The following UBASH3A variants were observed in gnomAD, a reference collection of about 807,000 sequenced individuals.
UBASH3A encodes ubiquitin associated and SH3 domain containing A.
A neutral mutation model predicts 73.5 loss-of-function variants in UBASH3A; 63 were observed. The observed-to-expected ratio is 0.86, with a 90% CI of 0.70 to 1.06. The LOEUF (loss-of-function observed/expected upper bound fraction) is 1.06. Among genes scored for constraint, UBASH3A ranks in the 50% least tolerant of loss-of-function variants. UBASH3A has a pLI of 0.00. For missense variants in UBASH3A, 860 were observed against 859.0 expected (o/e 1.00, Z -0.02); for synonymous variants, 363 against 351.1 (o/e 1.03, Z -0.38).
At chr21:42,408,848 A>G (rs2053029233) in intron 2 of UBASH3A, among the ~76,000 whole-genome samples, 1 of 151,176 alleles carries the variant, frequency 6.6e-6, no homozygotes. Context: ...GTGCCACTGC[A>G]CTCCAGCCTG....
chr21:42,427,696 T>C (rs2053462006), intron 8 of UBASH3A, among the ~76,000 whole-genome samples: 1 of 152,160 alleles, frequency 6.6e-6, no homozygotes, highest in African/African-American at 2.4e-5. Flanking sequence ...GGCCATCCAG[T>C]GCCCACCACG....
chr21:42,437,397 A>T (rs1601597848), intron 10 of UBASH3A, 91 bp from the exon 11 acceptor site: 10 of 1,201,048 alleles, frequency 8.3e-6, no homozygotes, highest in Non-Finnish European at 9.8e-6. Flanking sequence ...CCCTTTGAGG[A>T]CCCTGCCTAC....
At chr21:42,443,453 C>A in intron 13 of UBASH3A, 35 bp downstream of exon 13, 1 of 1,535,938 alleles carries the variant, frequency 6.5e-7, no homozygotes, top group Non-Finnish European at 8.8e-7. Context: ...TGAACAGCCC[C>A]TGGGGCTTGG....
intron 7 of UBASH3A, among the ~76,000 whole-genome samples, chr21:42,421,437 A>G (rs913527354): frequency 2.0e-5 from 3 of 152,112 alleles, no homozygotes; most frequent in African/African-American, 7.2e-5. Context: ...ACCATTTTAT[A>G]TTTCACTCAT....
Position 42,443,332 on chromosome 21 carries a change from C to A in UBASH3A, c.1652C>A (p.Ala551Asp), listed in dbSNP as rs1322438647. Residue 551 changes from alanine to aspartate, a missense_variant, in exon 13 of 15, where the codon GCC (alanine) becomes GAC (aspartate). Coordinates refer to ENST00000319294, the MANE Select transcript of UBASH3A (RefSeq NM_018961.4). ...TDYRPAFPLS[A>D]LMPAESYQEY... ...TCCAGGCCCGCGTTTCCCCTGTCCG[C>A]CCTCATGCCGGCCGAGAGCTACCAG... 3.7e-6 allele frequency: 6 copies of A among 1,613,464 alleles called. No individual in the cohort carries two copies. The highest frequency in any genetic ancestry group is 5.1e-6 in the Non-Finnish European group (6 of 1,179,686).
chr21:42,406,488 G>T, intron 2 of UBASH3A, 127 bp downstream of exon 2: 1 of 741,972 alleles, frequency 1.3e-6, no homozygotes, highest in South Asian at 1.6e-5. Flanking sequence ...GGCCACTGCG[G>T]AAGTGAAACA....
In UBASH3A at chr21:42,413,907, T is replaced by C. The variant is rs112433624; in HGVS notation, c.667+384T>C. 6.6e-3 allele frequency among the ~76,000 whole-genome samples: 1,012 copies of C among 152,306 alleles called. 6 individuals carry two copies. The highest frequency in any genetic ancestry group is 0.022 in the African/African-American group (899 of 41,568). The stretch of plus-strand genomic sequence containing the variant: ...CCTGGCCTGGAGACCAAGGCTACCA[T>C]TGGGGTTTAGTGGAAAGGATTGTGG... On this transcript the variant is annotated intron_variant, in intron 5 of 14. Transcript: ENST00000319294. This position sits in a 1 kb window ranked among gnomAD's most constrained non-coding sequence, Gnocchi z 4.5.
intron 1 of UBASH3A, among the ~76,000 whole-genome samples, 160 bp from the exon 2 acceptor site, chr21:42,406,148 C>T (rs999175290): frequency 2.0e-5 from 3 of 152,086 alleles, no homozygotes; most frequent in African/African-American, 7.2e-5. Context: ...TGGCAGCACT[C>T]AGGGGACAGG....
rs753142672 is a variant in UBASH3A at position 42,421,847 on chromosome 21, A to AC, written c.1046+3243dup. Among the ~76,000 whole-genome samples, 3 of 152,252 alleles carry AC rather than the reference A, an allele frequency of 2.0e-5. 1 individual carries two copies. The highest frequency in any genetic ancestry group is 1.9e-4 in the East Asian group (1 of 5,190). On this transcript the variant is annotated intron_variant, in intron 7 of 14. Coordinates refer to ENST00000319294, the MANE Select transcript of UBASH3A (RefSeq NM_018961.4). ...TTGCATATTGGTCATTTTTATCCAA[A>AC]CCCCCAAAAAAGAAAAGAAAAGATG...
At chr21:42,410,017 C>T in intron 3 of UBASH3A, 1 of 699,158 alleles carries the variant, frequency 1.4e-6, no homozygotes, top group Non-Finnish European at 2.6e-6. Context: ...CTAGCACAGC[C>T]CCTAAAACAG....
At chr21:42,409,697 A>C in intron 3 of UBASH3A, 89 bp downstream of exon 3, 1 of 1,217,502 alleles carries the variant, frequency 8.2e-7, no homozygotes, top group Non-Finnish European at 1.2e-6. Flanking sequence ...AAGTTGACTT[A>C]TTTAAATGGG....
chr21:42,414,627 G>A (rs897392568), intron 5 of UBASH3A, among the ~76,000 whole-genome samples: 6 of 152,140 alleles, frequency 3.9e-5, no homozygotes, highest in East Asian at 1.9e-4. Context: ...GGTAGAGGCC[G>A]CACAGAGACA....
chr21:42,422,552 C>G (rs1406735332), intron 7 of UBASH3A, among the ~76,000 whole-genome samples: 3 of 152,298 alleles, frequency 2.0e-5, no homozygotes, highest in Admixed American at 2.0e-4. Flanking sequence ...ATACCTAATC[C>G]CACGCTTGGG....
At chr21:42,441,921 A>G (rs983437008) in intron 11 of UBASH3A, among the ~76,000 whole-genome samples, 2 of 152,238 alleles carry the variant, frequency 1.3e-5, no homozygotes, top group Non-Finnish European at 2.9e-5. Context: ...TAATCAAAAT[A>G]TAAAATGCCT....
chr21:42,415,926 G>C (rs1163152530), intron 5 of UBASH3A, among the ~76,000 whole-genome samples: 2 of 152,200 alleles, frequency 1.3e-5, no homozygotes. Context: ...GGACCAGGGA[G>C]GGCTAGGGCC....
chr21:42,437,734 G>A lies in UBASH3A; in HGVS notation c.1486+154G>A, dbSNP rs914013300. ...AAGTACGAGCCAGCCCTCCAAGGATGCTGGCAGGCATGCTGGGTCCGTGAG... is the reference window on the plus strand; with the variant it reads ...AAGTACGAGCCAGCCCTCCAAGGATACTGGCAGGCATGCTGGGTCCGTGAG... On this transcript the variant is annotated intron_variant, in intron 11 of 14. Transcript: ENST00000319294. 22 of 686,528 alleles carry A rather than the reference G, an allele frequency of 3.2e-5. No individual in the cohort carries two copies. In the East Asian group the frequency reaches 5.4e-4, roughly 17 times the overall value. The allele number at this position is 686,528 out of a possible 1,614,324, so 42.5% of individuals were successfully genotyped here.
chr21:42,443,066 TC>T, intron 12 of UBASH3A: 1 of 1,245,272 alleles, frequency 8.0e-7, no homozygotes, highest in Non-Finnish European at 1.0e-6. Context: ...TTTGTCATTC[TC>T]CACCCATGTC....
intron 9 of UBASH3A, among the ~76,000 whole-genome samples, chr21:42,433,441 A>T (rs535705996): frequency 1.3e-5 from 2 of 152,120 alleles, no homozygotes; most frequent in African/African-American, 4.8e-5. Context: ...ACCTCACCCC[A>T]TATTCCACAC....
chr21:42,411,839 T>C (rs1413133727), intron 3 of UBASH3A, among the ~76,000 whole-genome samples: 2 of 152,246 alleles, frequency 1.3e-5, no homozygotes, highest in Admixed American at 6.5e-5. Context: ...AGAAACACAA[T>C]GTGAGACGGA....
Sources: gnomAD v4.1 joint callset for allele counts (sites outside exome capture counted in the v4.1 genomes callset) on GRCh38, gnomAD v4.1.1 for gene constraint, Gnocchi (gnomAD v3.1) non-coding constraint, MANE v1.5 for transcripts, NCBI Gene and HGNC (gene_info 2026-07-23, HGNC 2026-07-21) for gene names.